PDZD8: variants seen among roughly 807,000 people sequenced by gnomAD.
PDZD8 encodes PDZ domain-containing protein 8.
Under a neutral mutation model 85.8 loss-of-function variants are expected in PDZD8, and 14 were observed. That is an observed-to-expected ratio of 0.16 (90% CI 0.11 to 0.26). The LOEUF (loss-of-function observed/expected upper bound fraction) is 0.26. Ranked by LOEUF, PDZD8 falls within the 10% of genes least tolerant of loss-of-function variation. The probability of loss-of-function intolerance (pLI) is 1.00; values close to 1 mark genes in which losing one functional copy is unlikely to be tolerated. For missense variants in PDZD8, 1,197 were observed against 1,424.3 expected, an observed-to-expected ratio of 0.84 and a Z score of 2.57; for synonymous variants, 592 against 568.6, an observed-to-expected ratio of 1.04 and a Z score of -0.59.
intron 2 of PDZD8, among the ~76,000 whole-genome samples, chr10:117,331,121 T>A (rs1307897419): frequency 6.6e-6 from 1 of 152,218 alleles, no homozygotes; most frequent in Non-Finnish European, 1.5e-5. Context: ...TTTAAGTTTC[T>A]AGAGGGCAGA....
At chr10:117,288,819 T>G (rs1319157694) in intron 4 of PDZD8, among the ~76,000 whole-genome samples, 1 of 152,228 alleles carries the variant, frequency 6.6e-6, no homozygotes, top group Non-Finnish European at 1.5e-5. Context: ...GTTGTTATTG[T>G]AATTAACAAA....
intron 3 of PDZD8, among the ~76,000 whole-genome samples, chr10:117,316,967 C>T (rs1274198706): frequency 6.6e-6 from 1 of 152,092 alleles, no homozygotes; most frequent in Admixed American, 6.6e-5. Context: ...TTAGACCACA[C>T]CCTTTTTCTT....
At chr10:117,335,301 A>T (rs1022852303) in intron 2 of PDZD8, among the ~76,000 whole-genome samples, 1 of 152,202 alleles carries the variant, frequency 6.6e-6, no homozygotes, top group African/African-American at 2.4e-5. Flanking sequence ...GACCTACATA[A>T]CAAGAAGCAC....
chr10:117,347,476 T>C (rs949425332), intron 1 of PDZD8, among the ~76,000 whole-genome samples: 31 of 152,194 alleles, frequency 2.0e-4, no homozygotes, highest in Admixed American at 2.0e-4. Context: ...TGTATTTGAT[T>C]GAAGTCTCAT....
At chr10:117,360,143 G>A (rs1325180070) in intron 1 of PDZD8, among the ~76,000 whole-genome samples, 2 of 152,188 alleles carry the variant, frequency 1.3e-5, no homozygotes, top group Admixed American at 1.3e-4. Flanking sequence ...GAACAAAAGA[G>A]TGATAATCAA....
Position 117,280,955 on chromosome 10 carries a change from G to A in PDZD8, c.*2313C>T, listed in dbSNP as rs976555724. On this transcript the variant is annotated 3_prime_UTR_variant, in exon 5 of 5. Coordinates refer to ENST00000334464, the MANE Select transcript of PDZD8 (RefSeq NM_173791.5). ...CCACCTTCCAGGTTATCAATGGTAA[G>A]TTATTTTTTATAAAGTGGTTACACA... is the stretch of plus-strand genomic sequence containing the variant. 6.6e-6 allele frequency: 1 copy of A among 152,200 alleles called. No homozygotes were observed. The highest frequency in any genetic ancestry group is 2.4e-5 in the African/African-American group (1 of 41,462). The allele number at this position is 152,200 out of a possible 1,614,324, so 9.4% of individuals were successfully genotyped here. A position where few individuals can be genotyped will look rare whatever the true frequency, so the allele number is the denominator to read the frequency against.
chr10:117,319,972 C>T (rs1241990509), intron 2 of PDZD8, among the ~76,000 whole-genome samples: 13 of 151,940 alleles, frequency 8.6e-5, no homozygotes, highest in Non-Finnish European at 1.5e-5. Context: ...AAACTGTGTC[C>T]GCAGGTTAAA....
intron 1 of PDZD8, among the ~76,000 whole-genome samples, chr10:117,364,192 GT>G: frequency 6.6e-6 from 1 of 151,706 alleles, no homozygotes; most frequent in Non-Finnish European, 1.5e-5. Context: ...GTGTGTGTGT[GT>G]GTGTGTGTGT....
chr10:117,370,791 GA>G (rs11369291), intron 1 of PDZD8, among the ~76,000 whole-genome samples: 2 of 151,170 alleles, frequency 1.3e-5, no homozygotes, highest in African/African-American at 2.4e-5. Flanking sequence ...ACCAATTTAA[GA>G]AAAAAAAATC....
At chr10:117,322,779 A>G (rs994904544) in intron 2 of PDZD8, among the ~76,000 whole-genome samples, 2 of 152,168 alleles carry the variant, frequency 1.3e-5, no homozygotes, top group African/African-American at 4.8e-5. Flanking sequence ...GCAACCCATC[A>G]CTAAAAAATA....
At chr10:117,309,349 C>A (rs1264183173) in intron 3 of PDZD8, among the ~76,000 whole-genome samples, 2 of 151,286 alleles carry the variant, frequency 1.3e-5, no homozygotes, top group African/African-American at 4.9e-5. Context: ...AAGCATTCAA[C>A]TTATTAGTTA....
chr10:117,345,032 G>A (rs1027506570), intron 1 of PDZD8, among the ~76,000 whole-genome samples: 33 of 152,184 alleles, frequency 2.2e-4, no homozygotes, highest in African/African-American at 7.2e-4. Context: ...CTAGAGTTGT[G>A]GTATCACCCA....
rs932333704 is a variant in PDZD8 at position 117,278,644 on chromosome 10, G to A, written c.*4624C>T. 1.4e-5 allele frequency: 2 copies of A among 139,194 alleles called. No individual in the cohort carries two copies. The highest frequency in any genetic ancestry group is 5.5e-5 in the African/African-American group (2 of 36,292). The allele number at this position is 139,194 out of a possible 1,614,324, so 8.6% of individuals were successfully genotyped here. Reference sequence around the variant, plus strand: ...TACTTAGTTTCGTTAAGCTAAGATTGTGTTTGTGTTAACTTCGACATCAAG... The same window carrying A: ...TACTTAGTTTCGTTAAGCTAAGATTATGTTTGTGTTAACTTCGACATCAAG... On this transcript the variant is annotated 3_prime_UTR_variant, in exon 5 of 5. Coordinates refer to ENST00000334464, the MANE Select transcript of PDZD8 (RefSeq NM_173791.5).
Position 117,318,888 on chromosome 10 carries a change from C to T in PDZD8, c.1082G>A (p.Arg361Lys), listed in dbSNP as rs958523856. The T allele has an allele frequency of 1.2e-6, 2 of 1,603,442 alleles. No homozygotes were observed. Among genetic ancestry groups the T allele is most frequent in the Non-Finnish European group, 1.7e-6 (2 of 1,171,152 alleles). ...LSSSVWEEKQ[R>K]SSIKTVELIK... ...CCATTTTACCGTCTTAATAGAACTCCTCTGTTTTTCTTCCCAAACACTACT... is the reference window on the plus strand; with the variant it reads ...CCATTTTACCGTCTTAATAGAACTCTTCTGTTTTTCTTCCCAAACACTACT... The change falls in exon 3 of 5, where the codon AGG becomes AAG. Residue 361 changes from arginine to lysine, a missense_variant. Around this residue, in one of 4 missense-constraint regions of PDZD8, gnomAD observed 344 missense variants for 453.6 expected, o/e 0.76. Coordinates refer to ENST00000334464, the MANE Select transcript of PDZD8 (RefSeq NM_173791.5).
At chr10:117,294,338 A>AAAAAAAAC (rs1222575325) in intron 3 of PDZD8, among the ~76,000 whole-genome samples, 4 of 148,548 alleles carry the variant, frequency 2.7e-5, no homozygotes, top group African/African-American at 5.1e-5. Context: ...AAAAAAAAAA[A>AAAAAAAAC]AAAAAAACAA....
intron 2 of PDZD8, among the ~76,000 whole-genome samples, chr10:117,338,361 G>A (rs1181181936): frequency 1.3e-5 from 2 of 152,116 alleles, no homozygotes; most frequent in Admixed American, 1.3e-4. Flanking sequence ...TAGTGTACTT[G>A]TTCCCAAGAT....
chr10:117,338,085 AT>A (rs573329467), intron 2 of PDZD8, among the ~76,000 whole-genome samples: 67 of 152,296 alleles, frequency 4.4e-4, no homozygotes, highest in African/African-American at 1.3e-3. Flanking sequence ...TTTAGTTTGA[AT>A]CCTATAAACT....
intron 1 of PDZD8, among the ~76,000 whole-genome samples, chr10:117,346,617 A>G (rs547970933): frequency 6.6e-6 from 1 of 152,236 alleles, no homozygotes; most frequent in Admixed American, 6.5e-5. Context: ...CAGCCACAGA[A>G]GTCAGGCATA....
chr10:117,333,904 T>C (rs1195137903), intron 2 of PDZD8, among the ~76,000 whole-genome samples: 1 of 152,230 alleles, frequency 6.6e-6, no homozygotes, highest in Non-Finnish European at 1.5e-5. Flanking sequence ...AATGTATTTC[T>C]GGTTCCAGAA....
Sources: gnomAD v4.1 joint callset for allele counts (sites outside exome capture counted in the v4.1 genomes callset) on GRCh38, gnomAD v4.1.1 for gene constraint, gnomAD v4.1.1 regional missense constraint, MANE v1.5 for transcripts, NCBI Gene and HGNC (gene_info 2026-07-23, HGNC 2026-07-21) for gene names.